Variants in FBXW7 observed in about 807,000 individuals in gnomAD.
The protein encoded by FBXW7 is F-box/WD repeat-containing protein 7.
In FBXW7, 11 loss-of-function variants were observed where a neutral mutation model predicts 86.3. The ratio of observed to expected loss-of-function variants is 0.13; its 90% CI spans 0.08 to 0.21. The LOEUF is 0.21. FBXW7 is among the 10% of genes least tolerant of loss of function. The pLI is 1.00. For synonymous variants in FBXW7, 313 were observed against 297.9 expected (o/e 1.05, Z -0.52); for missense variants, 488 against 847.4 (o/e 0.58, Z 5.27).
chr4:152,344,054 C>T (rs1731011080), intron 6 of FBXW7, among the ~76,000 whole-genome samples: 1 of 152,114 alleles, frequency 6.6e-6, no homozygotes, highest in South Asian at 2.1e-4. Context: ...GCTTATTATG[C>T]AACAGAAAAG....
intron 4 of FBXW7, among the ~76,000 whole-genome samples, chr4:152,406,307 C>T: frequency 1.3e-5 from 2 of 151,892 alleles, no homozygotes; most frequent in East Asian, 3.8e-4. Context: ...AATTAAAATA[C>T]TTTTTGAGCT....
rs1161245586 is a variant in FBXW7 at position 152,322,835 on chromosome 4, G to C, written c.*46C>G. On this transcript the variant is annotated 3_prime_UTR_variant, in exon 14 of 14. Transcript: ENST00000281708. ...TTTCTTTTTGCAGGGGGAAGGGCAG[G>C]GAGTATATCGTCTACACAATTGGAC... 1 of 1,601,704 alleles carries C rather than the reference G, an allele frequency of 6.2e-7. No homozygotes were observed. Among genetic ancestry groups the C allele is most frequent in the Non-Finnish European group, 8.5e-7 (1 of 1,171,258 alleles).
chr4:152,389,522 A>G (rs910542375), intron 4 of FBXW7, among the ~76,000 whole-genome samples: 1 of 152,078 alleles, frequency 6.6e-6, no homozygotes, highest in Non-Finnish European at 1.5e-5. Flanking sequence ...AAAGTCAAAT[A>G]CCACGTTTCA....
At chr4:152,447,387 A>G (rs912770619) in intron 2 of FBXW7, among the ~76,000 whole-genome samples, 1 of 152,178 alleles carries the variant, frequency 6.6e-6, no homozygotes, top group African/African-American at 2.4e-5. Context: ...ATTGGTGAGG[A>G]AGGGAGTGGA....
At chr4:152,473,744 A>G (rs547438596) in intron 2 of FBXW7, among the ~76,000 whole-genome samples, 2 of 152,276 alleles carry the variant, frequency 1.3e-5, no homozygotes, top group East Asian at 1.9e-4. Flanking sequence ...AACCTCTCCA[A>G]GCATGAAACA....
intron 4 of FBXW7, among the ~76,000 whole-genome samples, chr4:152,399,470 A>C (rs1274532197): frequency 2.6e-5 from 4 of 152,224 alleles, no homozygotes; most frequent in African/African-American, 9.6e-5. Flanking sequence ...TCCTAGTTAA[A>C]GCACAAAGAC....
At chr4:152,351,734 C>G (rs548829019) in intron 4 of FBXW7, among the ~76,000 whole-genome samples, 17 of 151,932 alleles carry the variant, frequency 1.1e-4, no homozygotes, top group Non-Finnish European at 2.2e-4. Flanking sequence ...GATATTTATT[C>G]TAATTAAGTT....
At chr4:152,460,800 C>A (rs1320505387) in intron 2 of FBXW7, among the ~76,000 whole-genome samples, 1 of 152,102 alleles carries the variant, frequency 6.6e-6, no homozygotes, top group Non-Finnish European at 1.5e-5. Context: ...TGATACTTTC[C>A]ACCAAAGTTG....
intron 4 of FBXW7, among the ~76,000 whole-genome samples, chr4:152,409,442 G>C (rs1737728211): frequency 2.0e-5 from 3 of 152,182 alleles, no homozygotes; most frequent in Admixed American, 2.0e-4. Flanking sequence ...TGTATACACG[G>C]AGAATACTGA....
At chr4:152,453,592 G>GT (rs140675569) in intron 2 of FBXW7, among the ~76,000 whole-genome samples, 2,430 of 152,212 alleles carry the variant, frequency 0.016, 75 homozygotes, top group African/African-American at 0.055. Flanking sequence ...TATTTTTCTA[G>GT]TAAACGGTGG....
At chr4:152,485,238 A>C (rs1745238346) in intron 2 of FBXW7, among the ~76,000 whole-genome samples, 1 of 152,136 alleles carries the variant, frequency 6.6e-6, no homozygotes, top group Non-Finnish European at 1.5e-5. Context: ...AGTTATGTCA[A>C]GATAAGTAAA....
intron 4 of FBXW7, among the ~76,000 whole-genome samples, chr4:152,405,493 G>T (rs1040461342): frequency 6.6e-6 from 1 of 152,102 alleles, no homozygotes; most frequent in Non-Finnish European, 1.5e-5. Context: ...TCTCATTTAG[G>T]TTTGGCTTTA....
chr4:152,451,929 G>C (rs950956447), intron 2 of FBXW7, among the ~76,000 whole-genome samples: 4 of 151,994 alleles, frequency 2.6e-5, no homozygotes, highest in African/African-American at 9.7e-5. Context: ...TATGAACCCT[G>C]GGAGTTCCTG....
At chr4:152,515,861 A>C (rs1195190235) in intron 2 of FBXW7, among the ~76,000 whole-genome samples, 2 of 151,088 alleles carry the variant, frequency 1.3e-5, no homozygotes, top group Non-Finnish European at 1.5e-5. Context: ...AATTTGTCTT[A>C]TATTTTAATC....
rs201329763 is a variant in FBXW7 at position 152,347,144 on chromosome 4, TTATTAA to T, written c.585-79_585-74del. 6.6e-5 allele frequency: 81 copies of T among 1,220,520 alleles called. No individual in the cohort carries two copies. The East Asian group carries it at 2.0e-3, about 29-fold the overall frequency. The allele number at this position is 1,220,520 out of a possible 1,614,324, so 75.6% of individuals were successfully genotyped here. ...CAAAAGTGAAAGCAAAGATAGATAC[TTATTAA>T]TAATAGATTCTAGTACAAAGAATGA... On this transcript the variant is annotated intron_variant, in intron 5 of 13. Coordinates refer to ENST00000281708, the MANE Select transcript of FBXW7 (RefSeq NM_001349798.2).
intron 7 of FBXW7, among the ~76,000 whole-genome samples, chr4:152,334,942 AAAG>A (rs1458231389): frequency 3.3e-5 from 5 of 152,232 alleles, no homozygotes; most frequent in East Asian, 1.9e-4. Flanking sequence ...AAAAATCAGA[AAAG>A]AAGGTTTAAA....
At chr4:152,483,181 TG>T (rs1745037454) in intron 2 of FBXW7, among the ~76,000 whole-genome samples, 1 of 152,190 alleles carries the variant, frequency 6.6e-6, no homozygotes, top group Admixed American at 6.6e-5. Flanking sequence ...AAAACTAATT[TG>T]TGTACACTCT....
At chr4:152,511,736 C>T (rs1259099652) in intron 2 of FBXW7, among the ~76,000 whole-genome samples, 1 of 152,012 alleles carries the variant, frequency 6.6e-6, no homozygotes, top group Non-Finnish European at 1.5e-5. Flanking sequence ...ATTAAAAGAC[C>T]TCTAAGATCT....
intron 5 of FBXW7, among the ~76,000 whole-genome samples, chr4:152,348,448 C>A (rs1272257897): frequency 1.3e-5 from 2 of 151,748 alleles, no homozygotes; most frequent in Non-Finnish European, 2.9e-5. Flanking sequence ...CCTTCCTAAC[C>A]GAGAGTCTCC....
Sources: allele counts gnomAD v4.1 joint callset (sites outside exome capture counted in the v4.1 genomes callset), GRCh38; gene constraint gnomAD v4.1.1; transcripts MANE v1.5; gene names NCBI Gene and HGNC (gene_info 2026-07-23, HGNC 2026-07-21).